Variants in MAPK4 observed in about 807,000 individuals in gnomAD.
The protein encoded by MAPK4 is Erk3-related.
In MAPK4, 22 loss-of-function variants were observed where a neutral mutation model predicts 47.7. The observed-to-expected ratio is 0.46, with a 90% confidence interval of 0.33 to 0.66. The LOEUF (loss-of-function observed/expected upper bound fraction) is 0.66. MAPK4 is among the 30% of genes least tolerant of loss of function. The pLI is 0.02. For synonymous variants in MAPK4, 390 were observed against 365.7 expected (o/e 1.07, Z -0.76); for missense variants, 736 against 831.7 (o/e 0.88, Z 1.42).
intron 1 of MAPK4, among the ~76,000 whole-genome samples, chr18:50,655,285 G>A (rs2043096695): frequency 6.6e-6 from 1 of 152,140 alleles, no homozygotes; most frequent in African/African-American, 2.4e-5. Context: ...CTCTGCTTGA[G>A]ATGTATTTAT....
At chr18:50,675,339 C>T (rs1025212992) in intron 2 of MAPK4, among the ~76,000 whole-genome samples, 13 of 144,964 alleles carry the variant, frequency 9.0e-5, no homozygotes, top group East Asian at 8.0e-4. Flanking sequence ...TTTTTTGAGA[C>T]GGAGTTTGCT....
intron 1 of MAPK4, among the ~76,000 whole-genome samples, chr18:50,562,243 A>C (rs1026478726): frequency 6.6e-6 from 1 of 152,164 alleles, no homozygotes; most frequent in African/African-American, 2.4e-5. Flanking sequence ...GCTTTAACTC[A>C]ATTACTCCAG....
intron 1 of MAPK4, among the ~76,000 whole-genome samples, chr18:50,622,504 A>C (rs2042741216): frequency 6.6e-6 from 1 of 152,192 alleles, no homozygotes; most frequent in South Asian, 2.1e-4. Context: ...CCGTTCAGCC[A>C]AGTCAGTCCT....
At chr18:50,654,871 G>A (rs2043090974) in intron 1 of MAPK4, among the ~76,000 whole-genome samples, 1 of 152,228 alleles carries the variant, frequency 6.6e-6, no homozygotes, top group South Asian at 2.1e-4. Flanking sequence ...ATCGCTGAGA[G>A]GCATGGGAAG....
chr18:50,696,180 G>T (rs1326806296), intron 2 of MAPK4, among the ~76,000 whole-genome samples: 1 of 151,976 alleles, frequency 6.6e-6, no homozygotes, highest in African/African-American at 2.4e-5. Context: ...AAGAGTCAGG[G>T]CACCAGCGGA....
rs1257784480 is a variant in MAPK4, at chr18:50,560,256, C to G, written c.-871+13C>G. On this transcript the variant is annotated intron_variant, in intron 1 of 5. Transcript: ENST00000400384. ...GGGCTCTGCCTCGGTAAGTGGCTCC[C>G]CTCCGCTGGCTTTCTCCTCCCGCCG... is the stretch of plus-strand genomic sequence containing the variant. The G allele has an allele frequency of 2.0e-5, 3 of 151,920 alleles. No homozygotes were observed. In the East Asian group the frequency reaches 5.8e-4, roughly 30 times the overall value. 9.4% of individuals were successfully genotyped at this position (151,920 alleles called of 1,614,324 possible).
intron 1 of MAPK4, among the ~76,000 whole-genome samples, chr18:50,612,911 A>G (rs2042651884): frequency 6.6e-6 from 1 of 152,240 alleles, no homozygotes; most frequent in Non-Finnish European, 1.5e-5. Flanking sequence ...CAGTTTCTGC[A>G]GAGTTCCTGG....
At chr18:50,696,850 C>T (rs1436461894) in intron 2 of MAPK4, among the ~76,000 whole-genome samples, 1 of 152,130 alleles carries the variant, frequency 6.6e-6, no homozygotes, top group African/African-American at 2.4e-5. Flanking sequence ...AGGGAGTCTT[C>T]CTGGTATGGG....
intron 1 of MAPK4, among the ~76,000 whole-genome samples, chr18:50,659,049 T>G (rs1348522729): frequency 6.6e-6 from 1 of 152,268 alleles, no homozygotes; most frequent in Non-Finnish European, 1.5e-5. Context: ...AGGTATATTG[T>G]CTGTGGCTGC....
At chr18:50,690,567 A>G (rs1004438693) in intron 2 of MAPK4, among the ~76,000 whole-genome samples, 1 of 152,234 alleles carries the variant, frequency 6.6e-6, no homozygotes, top group African/African-American at 2.4e-5. Context: ...TAACACTAAT[A>G]TGAGAAGTCA....
chr18:50,723,405 T>A lies in MAPK4; in HGVS notation c.853+1306T>A, dbSNP rs1017000961. On this transcript the variant is annotated intron_variant, in intron 4 of 5. Coordinates refer to ENST00000400384, the MANE Select transcript of MAPK4 (RefSeq NM_002747.4). ...TGCAGGAGGGGCTTGGAAAGGCAGGTCAGAAGGGTGCCAGGATGGATGTCA... is the reference window on the plus strand; with the variant it reads ...TGCAGGAGGGGCTTGGAAAGGCAGGACAGAAGGGTGCCAGGATGGATGTCA... 6.6e-5 allele frequency among the ~76,000 whole-genome samples: 10 copies of A among 152,138 alleles called. No individual in the cohort carries two copies. In the South Asian group the frequency reaches 1.7e-3, roughly 25 times the overall value.
chr18:50,648,088 G>A (rs773708463), intron 1 of MAPK4, among the ~76,000 whole-genome samples: 20 of 144,848 alleles, frequency 1.4e-4, no homozygotes, highest in Admixed American at 4.3e-4. Flanking sequence ...AGTATGATGG[G>A]AAGAAAGACC....
chr18:50,626,874 T>C (rs904980613), intron 1 of MAPK4, among the ~76,000 whole-genome samples: 1 of 152,166 alleles, frequency 6.6e-6, no homozygotes, highest in Non-Finnish European at 1.5e-5. Context: ...ATTATGCAGG[T>C]GTACTTTGTC....
rs377699277 is a variant in MAPK4, at chr18:50,625,368, C to G, written c.-870-37721C>G. Among the ~76,000 whole-genome samples the G allele has an allele frequency of 1.3e-4, 20 of 152,316 alleles. No individual in the cohort carries two copies. The East Asian group carries it at 2.5e-3, about 19-fold the overall frequency. On this transcript the variant is annotated intron_variant, in intron 1 of 5. Transcript: ENST00000400384. ...ATGGCAAGATTTTTTTCCTTCCTCA[C>G]TTTATCCTTGCACTTTATTTTTCTC...
At position 50,726,168 on chromosome 18, in the gene MAPK4, A is replaced by T. The variant is rs376409655; in HGVS notation, c.1060A>T (p.Ser354Cys). The part of the protein sequence containing the change: ...QSQLSNWDTC[S>C]SRYPVSLSSD... ...CCAGCTGTCCAACTGGGACACGTGC[A>T]GTTCCAGGTGCTCGCAGCCCTGGGT... The change falls in exon 5 of 6, where the codon AGT becomes TGT. Residue 354 changes from serine to cysteine, a missense_variant. This residue lies in a region of MAPK4 where 377 missense variants were observed against 378.6 expected (regional missense o/e 1.00). Transcript: ENST00000400384. The T allele has an allele frequency of 1.3e-5, 21 of 1,613,942 alleles. No individual in the cohort carries two copies. The highest frequency in any genetic ancestry group is 1.1e-4 in the African/African-American group (8 of 75,068).
At chr18:50,645,592 T>A (rs1190976236) in intron 1 of MAPK4, among the ~76,000 whole-genome samples, 1 of 152,234 alleles carries the variant, frequency 6.6e-6, no homozygotes, top group Non-Finnish European at 1.5e-5. Flanking sequence ...ATTCCTGTTC[T>A]GACCTCAAAA....
At chr18:50,689,404 TAAAAAAAAAA>T (rs34978159) in intron 2 of MAPK4, among the ~76,000 whole-genome samples, 1 of 84,850 alleles carries the variant, frequency 1.2e-5, no homozygotes, top group Admixed American at 1.3e-4. Context: ...AACTCCATCT[TAAAAAAAAAA>T]AAAAAAAAAA....
chr18:50,655,744 G>T (rs2043102914), intron 1 of MAPK4, among the ~76,000 whole-genome samples: 1 of 152,048 alleles, frequency 6.6e-6, no homozygotes, highest in Non-Finnish European at 1.5e-5. Flanking sequence ...TATGCTTTTG[G>T]GGGCCTGTGT....
chr18:50,628,205 T>TA (rs2042798335), intron 1 of MAPK4, among the ~76,000 whole-genome samples: 1 of 152,198 alleles, frequency 6.6e-6, no homozygotes, highest in South Asian at 2.1e-4. Flanking sequence ...TGCGAATTAA[T>TA]AAAACAGCCT....
Sources: allele counts gnomAD v4.1 joint callset (sites outside exome capture counted in the v4.1 genomes callset), GRCh38; gene constraint gnomAD v4.1.1; regional missense constraint gnomAD v4.1.1; transcripts MANE v1.5; gene names NCBI Gene and HGNC (gene_info 2026-07-23, HGNC 2026-07-21).